Variants in CTNNA2 observed in about 807,000 individuals in gnomAD.
CTNNA2 encodes catenin alpha 2, also known as catenin alpha-2.
In CTNNA2, 42 loss-of-function variants were observed where a neutral mutation model predicts 101.0. The ratio of observed to expected loss-of-function variants is 0.42; its 90% CI spans 0.32 to 0.54. The LOEUF is 0.54. Ranked by LOEUF, CTNNA2 falls within the 20% of genes least tolerant of loss-of-function variation. The probability of loss-of-function intolerance (pLI) is 0.14; values close to 1 mark genes in which losing one functional copy is unlikely to be tolerated. For synonymous variants in CTNNA2, 450 were observed against 456.4 expected (o/e 0.99, Z 0.18); for missense variants, 871 against 1,223.1 (o/e 0.71, Z 4.29).
At chr2:79,863,339 A>G (rs1196242829) in intron 4 of CTNNA2, among the ~76,000 whole-genome samples, 2 of 152,204 alleles carry the variant, frequency 1.3e-5, no homozygotes, top group Non-Finnish European at 1.5e-5. Context: ...TGCACAATTT[A>G]GGACAATAAG....
At chr2:79,279,678 T>C (rs181406671) in intron 2 of CTNNA2, among the ~76,000 whole-genome samples, 16 of 152,222 alleles carry the variant, frequency 1.1e-4, no homozygotes, top group African/African-American at 3.8e-4. Context: ...GCTTTTTTGA[T>C]TTTGTGGTAT....
intron 1 of CTNNA2, among the ~76,000 whole-genome samples, chr2:79,514,166 A>G (rs773519257): frequency 3.9e-4 from 60 of 152,210 alleles, no homozygotes; most frequent in Non-Finnish European, 4.3e-4. Flanking sequence ...AAATACCAAG[A>G]TAGAAAGGTT....
intron 2 of CTNNA2, among the ~76,000 whole-genome samples, chr2:79,231,922 T>A (rs1031056909): frequency 1.3e-5 from 2 of 152,132 alleles, no homozygotes; most frequent in Non-Finnish European, 2.9e-5. Flanking sequence ...CCTAAAACTT[T>A]ACCAAATTTG....
intron 11 of CTNNA2, among the ~76,000 whole-genome samples, chr2:80,548,611 C>A (rs1373093058): frequency 6.6e-6 from 1 of 152,194 alleles, no homozygotes; most frequent in African/African-American, 2.4e-5. Flanking sequence ...CCACGGCATG[C>A]CATGGCAGGA....
At chr2:79,301,054 C>T (rs1010741664) in intron 2 of CTNNA2, among the ~76,000 whole-genome samples, 2 of 152,204 alleles carry the variant, frequency 1.3e-5, no homozygotes, top group Admixed American at 6.5e-5. Context: ...CCCTAATCAA[C>T]TTCACTTGAA....
rs201216009 is a variant in CTNNA2, at chr2:80,303,630, G to T, written c.1057-89581G>T. 1.9e-6 allele frequency: 3 copies of T among 1,613,702 alleles called. No homozygotes were observed. The highest frequency in any genetic ancestry group is 2.5e-6 in the Non-Finnish European group (3 of 1,179,804). On this transcript the variant is annotated intron_variant, in intron 7 of 18. Transcript: ENST00000402739. This position sits in a 1 kb window ranked among gnomAD's most constrained non-coding sequence, Gnocchi z 7.7. The stretch of plus-strand genomic sequence containing the variant: ...AGGGACAAGCCCAGCAGGCCGGACA[G>T]GTTGTGGGGCGCCTCGGTGAGGTTG...
chr2:80,315,454 A>G (rs1678022528), intron 7 of CTNNA2, among the ~76,000 whole-genome samples: 1 of 152,144 alleles, frequency 6.6e-6, no homozygotes, highest in South Asian at 2.1e-4. Context: ...GGATGGCTTC[A>G]CTCACAGGGA....
At position 79,874,056 on chromosome 2, in the gene CTNNA2, T is replaced by G. The variant is rs6718827; in HGVS notation, c.586-20T>G. 2.7e-3 allele frequency: 4,291 copies of G among 1,612,146 alleles called. 90 individuals are homozygous for G. The African/African-American group carries it at 0.049, about 18-fold the overall frequency. On this transcript the variant is annotated intron_variant, in intron 5 of 18. Coordinates refer to ENST00000402739, the MANE Select transcript of CTNNA2 (RefSeq NM_001282597.3). ...TGCAAATTTCATGTGTGTGACAGCT[T>G]TCATGTGTTACACACACAGGAGCTG...
intron 16 of CTNNA2, chr2:80,605,799 AC>A (rs1263598478): frequency 6.6e-6 from 1 of 151,942 alleles, no homozygotes; most frequent in East Asian, 1.9e-4. Flanking sequence ...AATTTTTTTA[AC>A]TTTTGACTTT....
intron 9 of CTNNA2, among the ~76,000 whole-genome samples, chr2:80,460,736 T>C (rs1337043386): frequency 6.6e-6 from 1 of 152,190 alleles, no homozygotes; most frequent in East Asian, 1.9e-4. Flanking sequence ...CAACTTGCTT[T>C]TCTTATTTAA....
At chr2:80,334,381 C>G (rs1362963909) in intron 7 of CTNNA2, among the ~76,000 whole-genome samples, 1 of 152,202 alleles carries the variant, frequency 6.6e-6, no homozygotes, top group Admixed American at 6.5e-5. Context: ...CTCAGAGCCT[C>G]ATTTGCATGA....
At chr2:80,443,531 C>G (rs1682784862) in intron 9 of CTNNA2, among the ~76,000 whole-genome samples, 3 of 152,148 alleles carry the variant, frequency 2.0e-5, no homozygotes, top group Non-Finnish European at 4.4e-5. Context: ...GAACACTTAA[C>G]TGGAATCAGG....
intron 9 of CTNNA2, among the ~76,000 whole-genome samples, chr2:80,441,743 G>T (rs1340642496): frequency 6.6e-6 from 1 of 152,130 alleles, no homozygotes; most frequent in Non-Finnish European, 1.5e-5. Context: ...AGAATGGGGA[G>T]GCCAAGGAGA....
intron 3 of CTNNA2, among the ~76,000 whole-genome samples, chr2:79,803,948 A>T (rs185424584): frequency 6.6e-6 from 1 of 152,356 alleles, no homozygotes; most frequent in African/African-American, 2.4e-5. Context: ...ATGGATACAA[A>T]AGTTTTTTAA....
At chr2:80,626,521 G>A (rs1671699727) in intron 18 of CTNNA2, among the ~76,000 whole-genome samples, 1 of 152,058 alleles carries the variant, frequency 6.6e-6, no homozygotes, top group Non-Finnish European at 1.5e-5. Flanking sequence ...CTGCAAGAGA[G>A]ACTGGTAAAC....
chr2:80,562,979 G>T (rs1405499404), intron 12 of CTNNA2, among the ~76,000 whole-genome samples: 3 of 151,098 alleles, frequency 2.0e-5, no homozygotes, highest in African/African-American at 7.3e-5. Flanking sequence ...TGTGTGTATA[G>T]GCCATAAATT....
chr2:80,279,053 T>TGTGTGTGTGTGC (rs1674153434), intron 7 of CTNNA2, among the ~76,000 whole-genome samples: 1 of 134,548 alleles, frequency 7.4e-6, no homozygotes. Flanking sequence ...CTTTTACGTG[T>TGTGTGTGTGTGC]GTGTGTGTGT....
chr2:79,582,327 T>C (rs1676198362), intron 1 of CTNNA2, among the ~76,000 whole-genome samples: 1 of 152,196 alleles, frequency 6.6e-6, no homozygotes, highest in Non-Finnish European at 1.5e-5. Flanking sequence ...TACACAAGAG[T>C]AGAGAGTTGC....
chr2:79,897,896 G>A (rs780482757), intron 6 of CTNNA2, among the ~76,000 whole-genome samples: 8 of 152,134 alleles, frequency 5.3e-5, no homozygotes, highest in Non-Finnish European at 1.0e-4. Context: ...TATGGCGGAA[G>A]GCAGAAGGGC....
Sources: allele counts gnomAD v4.1 joint callset (sites outside exome capture counted in the v4.1 genomes callset), GRCh38; gene constraint gnomAD v4.1.1; non-coding constraint Gnocchi (gnomAD v3.1); transcripts MANE v1.5; gene names NCBI Gene and HGNC (gene_info 2026-07-23, HGNC 2026-07-21).